The following SEMA5B variants were observed in gnomAD, a reference collection of about 807,000 sequenced individuals.
SEMA5B encodes semaphorin 5B, also known as semaphorin-5B.
SEMA5B carries 66 observed loss-of-function variants against 135.0 expected under a neutral mutation model. The observed-to-expected ratio is 0.49, with a 90% confidence interval of 0.40 to 0.60. The LOEUF is 0.60. Ranked by LOEUF, SEMA5B falls within the 20% of genes least tolerant of loss-of-function variation. The pLI, the probability that SEMA5B is intolerant of heterozygous loss-of-function variation, is 0.00. For missense variants in SEMA5B, 1,501 were observed against 1,566.3 expected (o/e 0.96, Z 0.70); for synonymous variants, 690 against 639.5 (o/e 1.08, Z -1.19).
Position 122,926,412 on chromosome 3 carries a change from A to G in SEMA5B, c.1116T>C (p.Tyr372=), listed in dbSNP as rs754706083. The change falls in exon 9 of 23, where the codon TAT becomes TAC. Residue 372 remains tyrosine, a synonymous_variant. Transcript: ENST00000357599. ...AFHLPEQDLI[Y]GVFTTNVNSI... ...CTCACACGTTGGTTGTGAAAACTCC[A>G]TAGATGAGGTCCTGCTCCGGCAAGT... 6 of 1,613,634 alleles carry G rather than the reference A, an allele frequency of 3.7e-6. No individual in the cohort carries two copies. Among genetic ancestry groups the G allele is most frequent in the Non-Finnish European group, 5.1e-6 (6 of 1,179,672 alleles).
At position 122,948,567 on chromosome 3, in the gene SEMA5B, A is replaced by G; in HGVS notation, c.267T>C (p.Ser89=). 1.9e-6 allele frequency: 3 copies of G among 1,613,778 alleles called. No homozygotes were observed. The highest frequency in any genetic ancestry group is 2.5e-6 in the Non-Finnish European group (3 of 1,179,808). ...ACAGCTGCTGCTCACTGCTGGGCTCACTGGAGACATCCTGGGAGCTGGAGA... is the reference window on the plus strand; with the variant it reads ...ACAGCTGCTGCTCACTGCTGGGCTCGCTGGAGACATCCTGGGAGCTGGAGA... ...SHLSSSQDVS[S]EPSSEQQLCA... Residue 89 remains serine (S), a synonymous_variant, in exon 3 of 23, where the codon AGT becomes AGC. Coordinates refer to ENST00000357599, the MANE Select transcript of SEMA5B (RefSeq NM_001031702.4).
chr3:122,911,265 G>T, intron 21 of SEMA5B: 1 of 1,321,042 alleles, frequency 7.6e-7, no homozygotes, highest in Non-Finnish European at 1.0e-6. Flanking sequence ...CAACCAGAGG[G>T]TCTAGAGTCA....
At chr3:122,967,199 T>C (rs1356228631) in intron 1 of SEMA5B, among the ~76,000 whole-genome samples, 3 of 152,160 alleles carry the variant, frequency 2.0e-5, no homozygotes, top group Non-Finnish European at 4.4e-5. Flanking sequence ...GAATGTTTAT[T>C]ATAATAAGCC....
intron 5 of SEMA5B, among the ~76,000 whole-genome samples, chr3:122,929,936 G>T (rs186337733): frequency 1.3e-5 from 2 of 152,184 alleles, no homozygotes; most frequent in African/African-American, 4.8e-5. Context: ...GAAGGGAGGC[G>T]TGATGCCCTC....
chr3:122,991,702 G>A lies in SEMA5B; in HGVS notation c.-38-30401C>T, dbSNP rs374871830. Among the ~76,000 whole-genome samples, 11 of 151,820 alleles carry A rather than the reference G, an allele frequency of 7.2e-5. 1 individual carries two copies. The highest frequency in any genetic ancestry group is 5.8e-4 in the East Asian group (3 of 5,154). On this transcript the variant is annotated intron_variant, in intron 1 of 22. Transcript: ENST00000357599. ...TCCTTCAGCCCTGCCTTAGATTTCA[G>A]GCAAGCTCCAAAGGATAGGGGTATA...
intron 1 of SEMA5B, among the ~76,000 whole-genome samples, chr3:123,025,489 G>A (rs1942777306): frequency 6.6e-6 from 1 of 152,234 alleles, no homozygotes; most frequent in Non-Finnish European, 1.5e-5. Context: ...ATTGCACATA[G>A]TAGGTGCTTA....
chr3:122,924,429 G>A (rs1938521212), intron 9 of SEMA5B, among the ~76,000 whole-genome samples: 2 of 152,268 alleles, frequency 1.3e-5, no homozygotes, highest in African/African-American at 4.8e-5. Context: ...TCCCCTGAAT[G>A]CTGCATTGTC....
At chr3:122,968,557 G>A (rs747545417) in intron 1 of SEMA5B, among the ~76,000 whole-genome samples, 7 of 152,062 alleles carry the variant, frequency 4.6e-5, no homozygotes, top group East Asian at 3.9e-4. Flanking sequence ...CTACTCCAAC[G>A]CCCGCCCCAA....
chr3:122,946,933 A>G (rs916879556), intron 3 of SEMA5B, among the ~76,000 whole-genome samples: 4 of 152,164 alleles, frequency 2.6e-5, no homozygotes, highest in African/African-American at 9.7e-5. Context: ...AGGCACACAC[A>G]GAAGACATCT....
chr3:122,947,354 G>C (rs909672548), intron 3 of SEMA5B, among the ~76,000 whole-genome samples: 1 of 152,032 alleles, frequency 6.6e-6, no homozygotes, highest in Non-Finnish European at 1.5e-5. Flanking sequence ...CCTGAGAGGA[G>C]CCAACCCACA....
At chr3:123,005,529 T>G (rs1942288630) in intron 1 of SEMA5B, among the ~76,000 whole-genome samples, 1 of 152,132 alleles carries the variant, frequency 6.6e-6, no homozygotes, top group East Asian at 1.9e-4. Context: ...ACCTGGCTAA[T>G]TTTTTGTATG....
At chr3:122,919,781 G>A (rs183740155) in intron 12 of SEMA5B, among the ~76,000 whole-genome samples, 1 of 152,228 alleles carries the variant, frequency 6.6e-6, no homozygotes, top group East Asian at 1.9e-4. Context: ...TTTTTAGCAG[G>A]GTTTTCACTG....
chr3:122,943,560 T>C (rs148763161), intron 3 of SEMA5B, 25 bp from the exon 4 acceptor site: 2 of 1,517,134 alleles, frequency 1.3e-6, no homozygotes, highest in Non-Finnish European at 9.1e-7. Flanking sequence ...GGCAACCCTG[T>C]GGTTACTGTT....
intron 1 of SEMA5B, among the ~76,000 whole-genome samples, chr3:122,977,685 C>G (rs547800660): frequency 1.2e-4 from 19 of 152,274 alleles, no homozygotes; most frequent in African/African-American, 4.6e-4. Context: ...AGTGGCCCAC[C>G]CAAATTAACA....
At chr3:122,975,733 C>G (rs1355632777) in intron 1 of SEMA5B, among the ~76,000 whole-genome samples, 1 of 152,102 alleles carries the variant, frequency 6.6e-6, no homozygotes, top group Non-Finnish European at 1.5e-5. Flanking sequence ...AGTACGCTTC[C>G]TATCTTTCAT....
chr3:122,969,859 T>C (rs945384765), intron 1 of SEMA5B, among the ~76,000 whole-genome samples: 3 of 152,216 alleles, frequency 2.0e-5, no homozygotes, highest in Non-Finnish European at 4.4e-5. Flanking sequence ...AAGGTATTTT[T>C]GGACTTACAG....
chr3:122,973,566 G>A (rs192229077), intron 1 of SEMA5B, among the ~76,000 whole-genome samples: 65 of 152,356 alleles, frequency 4.3e-4, no homozygotes, highest in Middle Eastern at 3.4e-3. Context: ...TGTGAAGGTC[G>A]TGAAATGGAC....
At chr3:122,981,087 A>G (rs959378667) in intron 1 of SEMA5B, among the ~76,000 whole-genome samples, 1 of 152,274 alleles carries the variant, frequency 6.6e-6, no homozygotes, top group Non-Finnish European at 1.5e-5. Flanking sequence ...AAATGTGGGC[A>G]TGAACACACA....
chr3:122,980,002 T>A (rs1024312093), intron 1 of SEMA5B, among the ~76,000 whole-genome samples: 2 of 152,220 alleles, frequency 1.3e-5, no homozygotes, highest in African/African-American at 4.8e-5. Flanking sequence ...TTTCATCACT[T>A]GGAAGCTGCT....
Sources: gnomAD v4.1 joint callset for allele counts (sites outside exome capture counted in the v4.1 genomes callset) on GRCh38, gnomAD v4.1.1 for gene constraint, MANE v1.5 for transcripts, NCBI Gene and HGNC (gene_info 2026-07-23, HGNC 2026-07-21) for gene names.